ATOH8: variants seen among roughly 807,000 people sequenced by gnomAD.
ATOH8 encodes the protein transcription factor ATOH8.
ATOH8 carries 9 observed loss-of-function variants against 21.2 expected under a neutral mutation model. That is an observed-to-expected ratio of 0.42 (90% CI 0.26 to 0.74). The LOEUF is 0.74. ATOH8 is among the 30% of genes least tolerant of loss of function. ATOH8 has a pLI of 0.24. For synonymous variants in ATOH8, 253 were observed against 224.0 expected (o/e 1.13, Z -1.16); for missense variants, 524 against 470.9 (o/e 1.11, Z -1.04).
intron 1 of ATOH8, among the ~76,000 whole-genome samples, chr2:85,756,967 G>A (rs1266945035): frequency 2.0e-5 from 3 of 152,174 alleles, no homozygotes; most frequent in Non-Finnish European, 4.4e-5. Context: ...CTATAAAAAG[G>A]GCAAGTTCAG....
chr2:85,785,440 C>T lies in ATOH8; in HGVS notation c.961-1445C>T, dbSNP rs1486174004. ...CCCGCCTCTCACTTTTCCTTTTCTCCCTCCTGAGCCACTATTAGCTGGAGA... is the reference window on the plus strand; with the variant it reads ...CCCGCCTCTCACTTTTCCTTTTCTCTCTCCTGAGCCACTATTAGCTGGAGA... On this transcript the variant is annotated intron_variant, in intron 2 of 2. Transcript: ENST00000306279. This position sits in a 1 kb window ranked among gnomAD's most constrained non-coding sequence, Gnocchi z 4.1. Among the ~76,000 whole-genome samples the T allele has an allele frequency of 1.3e-5, 2 of 152,230 alleles. No homozygotes were observed. Among genetic ancestry groups the T allele is most frequent in the Non-Finnish European group, 2.9e-5 (2 of 68,036 alleles).
At chr2:85,780,138 T>C (rs1052407661) in intron 2 of ATOH8, among the ~76,000 whole-genome samples, 23 of 152,172 alleles carry the variant, frequency 1.5e-4, no homozygotes, top group Non-Finnish European at 3.1e-4. Flanking sequence ...GGACTCCAAC[T>C]GGCAACCCCC....
intron 2 of ATOH8, among the ~76,000 whole-genome samples, chr2:85,767,252 T>G (rs1474300952): frequency 6.6e-6 from 1 of 152,122 alleles, no homozygotes; most frequent in Non-Finnish European, 1.5e-5. Flanking sequence ...TCCTCATGTC[T>G]AGGATTATTT....
chr2:85,774,159 C>G (rs1258834550), intron 2 of ATOH8: 1 of 985,358 alleles, frequency 1.0e-6, no homozygotes, highest in Non-Finnish European at 1.2e-6. Flanking sequence ...AGTTGGTCTT[C>G]GTGGGGCCAA....
rs1324537468 is a variant in ATOH8, at chr2:85,754,612, G to A, written c.423G>A (p.Glu141=). The A allele has an allele frequency of 6.0e-6, 9 of 1,496,262 alleles. No homozygotes were observed. The East Asian group carries it at 1.0e-4, about 17-fold the overall frequency. The allele number at this position is 1,496,262 out of a possible 1,614,324, so 92.7% of individuals were successfully genotyped here. The change falls in exon 1 of 3, where the codon GAG becomes GAA. Residue 141 remains glutamate (E), a synonymous_variant. Transcript: ENST00000306279. Reference sequence around the variant, plus strand: ...AGAGCCAGGCACCTGGGGGCCCAGAGGCACAGCCTTTCCGGGAGCCGGGTC... The same window carrying A: ...AGAGCCAGGCACCTGGGGGCCCAGAAGCACAGCCTTTCCGGGAGCCGGGTC... The part of the protein sequence containing the change: ...APQSQAPGGP[E]AQPFREPGLR...
chr2:85,754,304 G>A lies in ATOH8; in HGVS notation c.115G>A (p.Gly39Ser), dbSNP rs751095097. The A allele has an allele frequency of 4.3e-6, 7 of 1,610,068 alleles. No homozygotes were observed. In the East Asian group the frequency reaches 1.1e-4, roughly 26 times the overall value. Reference sequence around the variant, plus strand: ...CAAGGAGCCGGCGCGGCGCGCGAACGGCTATAAAACTTTCCGACTGGACTT... The same window carrying A: ...CAAGGAGCCGGCGCGGCGCGCGAACAGCTATAAAACTTTCCGACTGGACTT... ...KGKEPARRAN[G>S]YKTFRLDLEA... The change falls in exon 1 of 3, where the codon GGC becomes AGC. Residue 39 changes from glycine (G) to serine (S), a missense_variant. Coordinates refer to ENST00000306279, the MANE Select transcript of ATOH8 (RefSeq NM_032827.7).
At position 85,788,788 on chromosome 2, in the gene ATOH8, G is replaced by A. The variant is rs112690357; in HGVS notation, c.*1898G>A. Among the ~76,000 whole-genome samples the A allele has an allele frequency of 2.9e-3, 435 of 152,328 alleles. 5 individuals are homozygous for A. Among genetic ancestry groups the A allele is most frequent in the Middle Eastern group, 0.017 (5 of 294 alleles). On this transcript the variant is annotated 3_prime_UTR_variant, in exon 3 of 3. Coordinates refer to ENST00000306279, the MANE Select transcript of ATOH8 (RefSeq NM_032827.7). ...CTGGCTGCAGGGAGCCCCCCTTGCA[G>A]TAGCGTTTCTCAGGCTGGCCCTTTA...
In ATOH8 at chr2:85,791,227, T is replaced by G. The variant is rs972022234; in HGVS notation, c.*4337T>G. On this transcript the variant is annotated 3_prime_UTR_variant, in exon 3 of 3. Coordinates refer to ENST00000306279, the MANE Select transcript of ATOH8 (RefSeq NM_032827.7). ...ACAATGACAGTGTTTTCCAGAACTG[T>G]GGGTACGTGTCTAATCTCAGATGGT... 3.3e-5 allele frequency among the ~76,000 whole-genome samples: 5 copies of G among 152,166 alleles called. No homozygotes were observed. The highest frequency in any genetic ancestry group is 7.4e-5 in the Non-Finnish European group (5 of 68,024).
intron 2 of ATOH8, 98 bp from the exon 3 acceptor site, chr2:85,786,787 C>T (rs1242463689): frequency 6.3e-7 from 1 of 1,585,456 alleles, no homozygotes; most frequent in East Asian, 2.2e-5. Flanking sequence ...GGGGGCCCCT[C>T]TGCCTGGAGG....
chr2:85,774,590 G>A, intron 2 of ATOH8: 2 of 985,598 alleles, frequency 2.0e-6, no homozygotes, highest in Non-Finnish European at 2.4e-6. Flanking sequence ...AGCTGCCCTG[G>A]CTGTCAGCCC....
At chr2:85,755,477 C>T (rs916700732) in intron 1 of ATOH8, among the ~76,000 whole-genome samples, 18 of 152,196 alleles carry the variant, frequency 1.2e-4, no homozygotes, top group African/African-American at 4.3e-4. Flanking sequence ...CTGGCATCCT[C>T]AAGAACCCGC....
At chr2:85,767,044 T>G (rs964783874) in intron 2 of ATOH8, among the ~76,000 whole-genome samples, 27 of 152,086 alleles carry the variant, frequency 1.8e-4, no homozygotes, top group African/African-American at 5.8e-4. Context: ...TCCCTTTTTT[T>G]GGGGGGCTTG....
chr2:85,785,676 C>G lies in ATOH8; in HGVS notation c.961-1209C>G, dbSNP rs1349632603. Among the ~76,000 whole-genome samples, 1 of 152,182 alleles carries G rather than the reference C, an allele frequency of 6.6e-6. No individual in the cohort carries two copies. Among genetic ancestry groups the G allele is most frequent in the Non-Finnish European group, 1.5e-5 (1 of 68,036 alleles). ...CTCTGTGTGGTAGAATGAACACTGC[C>G]GATCTGGATTCAAATCCTGGCACTG... is the stretch of plus-strand genomic sequence containing the variant. On this transcript the variant is annotated intron_variant, in intron 2 of 2. Coordinates refer to ENST00000306279, the MANE Select transcript of ATOH8 (RefSeq NM_032827.7). This position sits in a 1 kb window ranked among gnomAD's most constrained non-coding sequence, Gnocchi z 4.1.
At chr2:85,786,536 C>T (rs564621592) in intron 2 of ATOH8, among the ~76,000 whole-genome samples, 21 of 152,230 alleles carry the variant, frequency 1.4e-4, no homozygotes, top group African/African-American at 4.6e-4. Context: ...AGGGTGGGGA[C>T]GGGCCTCTGA....
chr2:85,759,945 C>T (rs1473065432), intron 1 of ATOH8, among the ~76,000 whole-genome samples: 1 of 152,134 alleles, frequency 6.6e-6, no homozygotes, highest in East Asian at 1.9e-4. Context: ...TTTGCTCCTG[C>T]GATCTCATTC....
At chr2:85,757,037 A>G (rs1679723628) in intron 1 of ATOH8, among the ~76,000 whole-genome samples, 1 of 152,210 alleles carries the variant, frequency 6.6e-6, no homozygotes, top group African/African-American at 2.4e-5. Flanking sequence ...ATGCAATGCA[A>G]ACACACAGGC....
chr2:85,763,006 C>G (rs901396494), intron 1 of ATOH8, among the ~76,000 whole-genome samples: 1 of 152,074 alleles, frequency 6.6e-6, no homozygotes, highest in African/African-American at 2.4e-5. Context: ...ACGAGTTCAT[C>G]AATGATATGG....
chr2:85,777,069 C>G (rs895805347), intron 2 of ATOH8, among the ~76,000 whole-genome samples: 2 of 152,206 alleles, frequency 1.3e-5, no homozygotes, highest in African/African-American at 4.8e-5. Context: ...GGGCCCTGCC[C>G]TGCACATCTA....
chr2:85,774,223 T>C, intron 2 of ATOH8: 2 of 985,528 alleles, frequency 2.0e-6, no homozygotes, highest in Non-Finnish European at 2.4e-6. Flanking sequence ...GCCCCTGGTA[T>C]GGCATGGCGT....
Sources: allele counts gnomAD v4.1 joint callset (sites outside exome capture counted in the v4.1 genomes callset), GRCh38; gene constraint gnomAD v4.1.1; non-coding constraint Gnocchi (gnomAD v3.1); transcripts MANE v1.5; gene names NCBI Gene and HGNC (gene_info 2026-07-23, HGNC 2026-07-21).